The following ABCA6 variants were observed in gnomAD, a reference collection of about 807,000 sequenced individuals.
ABCA6 encodes the protein ATP-binding cassette sub-family A member 6.
ABCA6 carries 164 observed loss-of-function variants against 191.2 expected under a neutral mutation model. The ratio of observed to expected loss-of-function variants is 0.86; its 90% CI spans 0.76 to 0.98. ABCA6 has a LOEUF of 0.98. Among genes scored for constraint, ABCA6 ranks in the 50% least tolerant of loss-of-function variants. The pLI, the probability that ABCA6 is intolerant of heterozygous loss-of-function variation, is 0.00. For synonymous variants in ABCA6, 636 were observed against 647.7 expected (o/e 0.98, Z 0.27); for missense variants, 1,958 against 1,894.1 (o/e 1.03, Z -0.63).
rs1323997113 is a variant in ABCA6, at chr17:69,133,769, C to A, written c.663G>T (p.Glu221Asp). Residue 221 changes from glutamate (E) to aspartate (D), a missense_variant, in exon 6 of 39, where the codon GAG becomes GAT. Transcript: ENST00000284425. The part of the protein sequence containing the change: ...PFITKNLLHN[E>D]MFILFFLLHF... ...GAAGCAAGAAGAATAAAATAAACAT[C>A]TCATTGTGAAGAAGATTTTTAGTTA... 1.9e-6 allele frequency: 3 copies of A among 1,611,844 alleles called. No individual in the cohort carries two copies. In the South Asian group the frequency reaches 3.3e-5, roughly 18 times the overall value.
chr17:69,130,514 T>C (rs2073843557), intron 6 of ABCA6, among the ~76,000 whole-genome samples: 1 of 152,196 alleles, frequency 6.6e-6, no homozygotes, highest in Non-Finnish European at 1.5e-5. Flanking sequence ...ATCAACAATA[T>C]TATACACTGC....
chr17:69,110,487 C>T (rs2073401513), intron 17 of ABCA6: 1 of 249,774 alleles, frequency 4.0e-6, no homozygotes, highest in Non-Finnish European at 7.7e-6. Flanking sequence ...TGACAAAACG[C>T]TGAGCCCACT....
intron 20 of ABCA6, among the ~76,000 whole-genome samples, chr17:69,103,237 T>G (rs2073220301): frequency 6.6e-6 from 1 of 152,186 alleles, no homozygotes; most frequent in Non-Finnish European, 1.5e-5. Flanking sequence ...GTATGACTTT[T>G]GGTAAACAAC....
rs748927059 is a variant in ABCA6 at position 69,089,550 on chromosome 17, GACAAA to G, written c.3529-13_3529-9del. 2 of 1,609,534 alleles carry G rather than the reference GACAAA, an allele frequency of 1.2e-6. No individual in the cohort carries two copies. Among genetic ancestry groups the G allele is most frequent in the Admixed American group, 1.7e-5 (1 of 59,786 alleles). ...GTAGTGCTCCTGGTCTCTCTGAAAAGACAAAACAAAACACACACACACTAATGATA... is the reference window on the plus strand; with the variant it reads ...GTAGTGCTCCTGGTCTCTCTGAAAAGACAAAACACACACACACTAATGATA... On this transcript the variant is annotated splice_polypyrimidine_tract_variant and intron_variant, in intron 26 of 38. Coordinates refer to ENST00000284425, the MANE Select transcript of ABCA6 (RefSeq NM_080284.3).
In ABCA6 at chr17:69,128,161, G is replaced by C. The variant is rs150476451; in HGVS notation, c.1119+458C>G. Among the ~76,000 whole-genome samples, 971 of 152,046 alleles carry C rather than the reference G, an allele frequency of 6.4e-3. 10 individuals carry two copies. Among genetic ancestry groups the C allele is most frequent in the African/African-American group, 0.022 (914 of 41,504 alleles). The stretch of plus-strand genomic sequence containing the variant: ...GAGTGTTCTGAGGGGTTTGTGACTG[G>C]TGGCAACATCCTATTCCTTGATCTA... On this transcript the variant is annotated intron_variant, in intron 8 of 38. Transcript: ENST00000284425.
chr17:69,129,486 A>G, intron 7 of ABCA6, 124 bp downstream of exon 7: 1 of 750,158 alleles, frequency 1.3e-6, no homozygotes, highest in South Asian at 2.4e-5. Flanking sequence ...ACACAAGGAC[A>G]CACACATGCA....
intron 10 of ABCA6, among the ~76,000 whole-genome samples, chr17:69,122,243 G>A (rs901087044): frequency 5.9e-5 from 9 of 152,162 alleles, no homozygotes; most frequent in African/African-American, 1.9e-4. Context: ...CTTTTTGTGC[G>A]AATTATGTGC....
Position 69,100,933 on chromosome 17 carries a change from T to C in ABCA6, c.2876A>G (p.Asp959Gly). The C allele has an allele frequency of 6.3e-7, 1 of 1,580,166 alleles. No homozygotes were observed. Among genetic ancestry groups the C allele is most frequent in the Non-Finnish European group, 8.6e-7 (1 of 1,161,660 alleles). Reference protein sequence around the residue: ...GAIIVSGKQKDYRFSVVCNTK... With the variant: ...GAIIVSGKQKGYRFSVVCNTK... Reference sequence around the variant, plus strand: ...ATTACACACAACTGAAAATCTATAATCCTTAAAACAGAAACAAATAAATAA... The same window carrying C: ...ATTACACACAACTGAAAATCTATAACCCTTAAAACAGAAACAAATAAATAA... The change falls in exon 22 of 39, where the codon GAT becomes GGT. Residue 959 changes from aspartate (D) to glycine (G), a missense_variant and splice_region_variant. Physicochemically the swap from Asp to Gly is moderately conservative, Grantham distance 94. Coordinates refer to ENST00000284425, the MANE Select transcript of ABCA6 (RefSeq NM_080284.3).
chr17:69,085,766 C>T (rs1191995863), intron 30 of ABCA6, 50 bp from the exon 31 acceptor site: 3 of 1,292,198 alleles, frequency 2.3e-6, no homozygotes, highest in Non-Finnish European at 3.3e-6. Context: ...TACTGAACAA[C>T]ATAAACCTTT....
intron 38 of ABCA6, 60 bp from the exon 39 acceptor site, chr17:69,079,134 C>T (rs2072563737): frequency 6.3e-7 from 1 of 1,578,226 alleles, no homozygotes; most frequent in Admixed American, 1.7e-5. Context: ...TGTTGGTCTT[C>T]CAAATGAACA....
chr17:69,125,108 T>A, intron 8 of ABCA6, 73 bp from the exon 9 acceptor site: 1 of 818,700 alleles, frequency 1.2e-6, no homozygotes, highest in Non-Finnish European at 1.7e-6. Flanking sequence ...GAAAAAGTAT[T>A]AATTTATTAA....
chr17:69,091,394 T>C (rs2144625172), intron 25 of ABCA6, 132 bp from the exon 26 acceptor site: 2 of 925,278 alleles, frequency 2.2e-6, no homozygotes, highest in East Asian at 2.8e-5. Context: ...CATTTGACAA[T>C]GATAGTTTCT....
At chr17:69,084,904 G>T in intron 32 of ABCA6, 124 bp downstream of exon 32, 3 of 1,210,068 alleles carry the variant, frequency 2.5e-6, no homozygotes, top group Non-Finnish European at 3.3e-6. Flanking sequence ...TCCCTGCTCT[G>T]CCACTGACAC....
At chr17:69,125,381 C>G (rs1315671915) in intron 8 of ABCA6, among the ~76,000 whole-genome samples, 1 of 151,760 alleles carries the variant, frequency 6.6e-6, no homozygotes, top group Non-Finnish European at 1.5e-5. Context: ...TTCTTGGACG[C>G]CTTTAATTAG....
intron 10 of ABCA6, among the ~76,000 whole-genome samples, chr17:69,122,145 G>T (rs566043029): frequency 1.3e-5 from 2 of 152,042 alleles, no homozygotes; most frequent in Admixed American, 6.6e-5. Flanking sequence ...CTTGCGAGTT[G>T]TGTGATATTG....
intron 6 of ABCA6, among the ~76,000 whole-genome samples, chr17:69,132,095 A>T (rs1310413270): frequency 6.6e-6 from 1 of 152,066 alleles, no homozygotes; most frequent in East Asian, 1.9e-4. Flanking sequence ...GATTCTCTCC[A>T]TTAATAAAAT....
chr17:69,085,692 G>A lies in ABCA6; in HGVS notation c.3962C>T (p.Pro1321Leu). Residue 1321 changes from proline to leucine, a missense_variant, in exon 31 of 39, where the codon CCC (proline) becomes CTC (leucine). Transcript: ENST00000284425. ...AGATGAACTTTTTCCAGCACCATTGGGTCCTAGCAATCCCAAAATTTCACC... is the reference window on the plus strand; with the variant it reads ...AGATGAACTTTTTCCAGCACCATTGAGTCCTAGCAATCCCAAAATTTCACC... ...QEGEILGLLG[P>L]NGAGKSSSIR... is the part of the protein sequence containing the mutation. 1.2e-6 allele frequency: 2 copies of A among 1,609,932 alleles called. No homozygotes were observed. The highest frequency in any genetic ancestry group is 1.7e-6 in the Non-Finnish European group (2 of 1,177,592).
chr17:69,118,027 A>T, intron 10 of ABCA6, 71 bp from the exon 11 acceptor site: 1 of 1,064,208 alleles, frequency 9.4e-7, no homozygotes, highest in Non-Finnish European at 1.4e-6. Flanking sequence ...TTATAGCCCT[A>T]GTCATAGTGA....
chr17:69,107,923 T>C lies in ABCA6; in HGVS notation c.2273-111A>G, dbSNP rs2073340386. The C allele has an allele frequency of 4.2e-6, 3 of 714,986 alleles. No individual in the cohort carries two copies. In the South Asian group the frequency reaches 5.3e-5, roughly 13 times the overall value. 44.3% of individuals were successfully genotyped at this position (714,986 alleles called of 1,614,324 possible). A position where few individuals can be genotyped will look rare whatever the true frequency, so the allele number is the denominator to read the frequency against. On this transcript the variant is annotated intron_variant, in intron 17 of 38. Transcript: ENST00000284425. The stretch of plus-strand genomic sequence containing the variant: ...ACATAATATTGTTAAGAAAATTATG[T>C]CCTTGGAGTATCACAGTAGTCAAAA...
Sources: allele counts gnomAD v4.1 joint callset (sites outside exome capture counted in the v4.1 genomes callset), GRCh38; gene constraint gnomAD v4.1.1; transcripts MANE v1.5; gene names NCBI Gene and HGNC (gene_info 2026-07-23, HGNC 2026-07-21).